Variants in MYO9B observed in about 807,000 individuals in gnomAD.
The protein encoded by MYO9B is myosin IXB.
Under a neutral mutation model 229.5 loss-of-function variants are expected in MYO9B, and 71 were observed. The ratio of observed to expected loss-of-function variants is 0.31; its 90% CI spans 0.26 to 0.38. MYO9B has a LOEUF of 0.38. Among genes scored for constraint, MYO9B ranks in the 10% least tolerant of loss-of-function variants. The probability of loss-of-function intolerance (pLI) is 1.00; values close to 1 mark genes in which losing one functional copy is unlikely to be tolerated. For synonymous variants in MYO9B, 1,185 were observed against 1,235.8 expected, an observed-to-expected ratio of 0.96 and a Z score of 0.86; for missense variants, 2,255 against 2,920.5, an observed-to-expected ratio of 0.77 and a Z score of 5.25.
At chr19:17,202,783 G>C (rs1315533193) in intron 28 of MYO9B, 59 bp from the exon 29 acceptor site, 6 of 1,523,348 alleles carry the variant, frequency 3.9e-6, no homozygotes, top group Non-Finnish European at 4.4e-6. Flanking sequence ...GGTGCCAGGG[G>C]TGGGTTGGGG....
chr19:17,091,336 C>G (rs753185799), intron 1 of MYO9B, among the ~76,000 whole-genome samples: 1 of 152,248 alleles, frequency 6.6e-6, no homozygotes, highest in Non-Finnish European at 1.5e-5. Flanking sequence ...GGCAATCCCC[C>G]TGCCTCGGCC....
intron 7 of MYO9B, 89 bp from the exon 8 acceptor site, chr19:17,159,306 G>T: frequency 1.6e-6 from 2 of 1,254,268 alleles, no homozygotes; most frequent in Non-Finnish European, 2.3e-6. Flanking sequence ...GCTGCCTCAG[G>T]CTCCGGGCGT....
intron 2 of MYO9B, among the ~76,000 whole-genome samples, chr19:17,110,991 C>T (rs2057842677): frequency 6.6e-6 from 1 of 152,152 alleles, no homozygotes; most frequent in African/African-American, 2.4e-5. Context: ...CTGCCATCAG[C>T]CAGGCCACTA....
intron 2 of MYO9B, among the ~76,000 whole-genome samples, chr19:17,102,810 G>A (rs544360100): frequency 5.3e-5 from 8 of 152,098 alleles, no homozygotes; most frequent in African/African-American, 1.9e-4. Context: ...AGGAGGCTGA[G>A]GCAGGAGGAT....
rs776964606 is a variant in MYO9B at position 17,172,515 on chromosome 19, G to A, written c.1935+38G>A. On this transcript the variant is annotated intron_variant, in intron 12 of 39. Transcript: ENST00000682292. The surrounding 1 kb of genome is among the most constrained non-coding windows in gnomAD (Gnocchi z 8.2). The stretch of plus-strand genomic sequence containing the variant: ...CCATCACCACTGGTGGAAGCCTGAG[G>A]GAAGCCACAGTCAGCCCAGAAGCCC... The A allele has an allele frequency of 7.5e-6, 12 of 1,608,406 alleles. No homozygotes were observed. The highest frequency in any genetic ancestry group is 1.0e-5 in the Non-Finnish European group (12 of 1,177,550).
At position 17,174,009 on chromosome 19, in the gene MYO9B, G is replaced by C. The variant is rs139488827; in HGVS notation, c.2140+1046G>C. On this transcript the variant is annotated intron_variant, in intron 13 of 39. Transcript: ENST00000682292. ...ACCCACCCAACTTTGCCCCAAACTTGAGTGATGAGCTGCTTTTTTTTTTTT... is the reference window on the plus strand; with the variant it reads ...ACCCACCCAACTTTGCCCCAAACTTCAGTGATGAGCTGCTTTTTTTTTTTT... Among the ~76,000 whole-genome samples the C allele has an allele frequency of 7.7e-3, 1,095 of 142,202 alleles. 16 individuals carry two copies. The highest frequency in any genetic ancestry group is 0.025 in the African/African-American group (975 of 38,778). 93.3% of individuals were successfully genotyped at this position (142,202 alleles called of 152,430 possible).
chr19:17,102,659 G>A, intron 2 of MYO9B, 102 bp downstream of exon 2: 2 of 1,417,510 alleles, frequency 1.4e-6, no homozygotes, highest in Non-Finnish European at 1.9e-6. Flanking sequence ...CCAATGCTTT[G>A]GAAGGCTGAG....
Position 17,195,125 on chromosome 19 carries a change from A to G in MYO9B, c.3698A>G (p.Glu1233Gly). ...ATGGCAGTTGGCAAGGTCTCTGAAG[A>G]AACTGAGAAGACGCTGCCCAGTGGG... is the stretch of plus-strand genomic sequence containing the variant. ...QAMAVGKVSEETEKTLPSGSP... is the reference protein window; with the variant it reads ...QAMAVGKVSEGTEKTLPSGSP... Residue 1233 changes from glutamate (E) to glycine (G), a missense_variant, in exon 22 of 40, where the codon GAA (glutamate) becomes GGA (glycine). By Grantham distance (98) the Glu-to-Gly change is moderately conservative. Around this residue, in one of 7 missense-constraint regions of MYO9B, gnomAD observed 679 missense variants for 770.2 expected, o/e 0.88. Coordinates refer to ENST00000682292, the MANE Select transcript of MYO9B (RefSeq NM_004145.4). The surrounding 1 kb of genome is among the most constrained non-coding windows in gnomAD (Gnocchi z 4.5). The G allele has an allele frequency of 1.2e-6, 2 of 1,612,414 alleles. No homozygotes were observed. The highest frequency in any genetic ancestry group is 1.7e-6 in the Non-Finnish European group (2 of 1,179,632).
chr19:17,098,341 G>A (rs1411948144), intron 1 of MYO9B, among the ~76,000 whole-genome samples: 2 of 152,112 alleles, frequency 1.3e-5, no homozygotes, highest in Non-Finnish European at 2.9e-5. Flanking sequence ...AAGCGTGAGC[G>A]ACCGCGCCTG....
intron 1 of MYO9B, among the ~76,000 whole-genome samples, chr19:17,100,667 C>T (rs559636333): frequency 1.5e-4 from 23 of 152,176 alleles, no homozygotes; most frequent in Non-Finnish European, 2.4e-4. Context: ...TTCCTTGTTG[C>T]CCGTGACCTT....
intron 14 of MYO9B, 87 bp downstream of exon 14, chr19:17,175,828 T>A: frequency 1.2e-5 from 8 of 645,350 alleles, no homozygotes; most frequent in Non-Finnish European, 1.3e-5. Context: ...TACATTCTTT[T>A]TTTTTTTTTT....
rs773576807 is a variant in MYO9B, at chr19:17,205,351, C to T, written c.5064+15C>T. 8 of 1,611,300 alleles carry T rather than the reference C, an allele frequency of 5.0e-6. No individual in the cohort carries two copies. Among genetic ancestry groups the T allele is most frequent in the Non-Finnish European group, 6.8e-6 (8 of 1,177,776 alleles). On this transcript the variant is annotated intron_variant, in intron 31 of 39. Transcript: ENST00000682292. ...ACGGGAGGAAGGTGAGTGTACGAGGCCTGGAACTTTCTACAATGACACTCC... is the reference window on the plus strand; with the variant it reads ...ACGGGAGGAAGGTGAGTGTACGAGGTCTGGAACTTTCTACAATGACACTCC...
chr19:17,212,224 G>T lies in MYO9B; in HGVS notation c.6388G>T (p.Asp2130Tyr). 6.3e-7 allele frequency: 1 copy of T among 1,582,986 alleles called. No individual in the cohort carries two copies. Among genetic ancestry groups the T allele is most frequent in the South Asian group, 1.1e-5 (1 of 87,058 alleles). The change falls in exon 40 of 40, where the codon GAT becomes TAT. Residue 2130 changes from aspartate to tyrosine, a missense_variant. By Grantham distance (160) the Asp-to-Tyr change is radical. Transcript: ENST00000682292. This position sits in a 1 kb window ranked among gnomAD's most constrained non-coding sequence, Gnocchi z 5.4. ...GGGCGCCCTGGAGCCCCTAGAAGAG[G>T]ATGGCCAGCCACCTGGGGCCAAGCG... ...VQGALEPLEEDGQPPGAKRRY... is the reference protein window; with the variant it reads ...VQGALEPLEEYGQPPGAKRRY...
At chr19:17,128,953 C>T (rs944367804) in intron 2 of MYO9B, among the ~76,000 whole-genome samples, 1 of 152,210 alleles carries the variant, frequency 6.6e-6, no homozygotes, top group African/African-American at 2.4e-5. Context: ...TTTCTCCAGC[C>T]GCAGCCTCTC....
rs1005509967 is a variant in MYO9B at position 17,212,526 on chromosome 19, G to A, written c.*216G>A. On this transcript the variant is annotated 3_prime_UTR_variant, in exon 40 of 40. Transcript: ENST00000682292. This position sits in a 1 kb window ranked among gnomAD's most constrained non-coding sequence, Gnocchi z 5.4. Reference sequence around the variant, plus strand: ...CGCACGCAGCCCCCAAATCATGGACGCACCTGTGGGGAGCACCACATCTCC... The same window carrying A: ...CGCACGCAGCCCCCAAATCATGGACACACCTGTGGGGAGCACCACATCTCC... The A allele has an allele frequency of 3.4e-5, 17 of 507,270 alleles. No homozygotes were observed. Among genetic ancestry groups the A allele is most frequent in the Admixed American group, 3.1e-4 (8 of 26,176 alleles). 31.4% of individuals were successfully genotyped at this position (507,270 alleles called of 1,614,324 possible). A position where few individuals can be genotyped will look rare whatever the true frequency, so the allele number is the denominator to read the frequency against.
intron 2 of MYO9B, among the ~76,000 whole-genome samples, chr19:17,140,494 CT>C (rs112851769): frequency 0.73 from 108,022 of 147,072 alleles, 40,066 homozygotes; most frequent in African/African-American, 0.86. Context: ...GGTTAGATTT[CT>C]TTTTTTTTTT....
intron 11 of MYO9B, among the ~76,000 whole-genome samples, chr19:17,168,510 C>T (rs573881806): frequency 1.3e-5 from 2 of 152,300 alleles, no homozygotes; most frequent in South Asian, 4.1e-4. Flanking sequence ...GACCACAAAA[C>T]CCAAGCTCGT....
rs1373551816 is a variant in MYO9B, at chr19:17,120,714, AG to A, written c.840+18158del. On this transcript the variant is annotated intron_variant, in intron 2 of 39. Transcript: ENST00000682292. Reference sequence around the variant, plus strand: ...TATCTCCTTTATGCTAATTGGTAACAGTCCTCATGGTGAGTATTGAATAAAC... The same window carrying A: ...TATCTCCTTTATGCTAATTGGTAACATCCTCATGGTGAGTATTGAATAAAC... 4.0e-5 allele frequency among the ~76,000 whole-genome samples: 6 copies of A among 151,844 alleles called. No homozygotes were observed. In the South Asian group the frequency reaches 1.0e-3, roughly 26 times the overall value.
At chr19:17,189,842 T>C (rs1055973630) in intron 19 of MYO9B, among the ~76,000 whole-genome samples, 1 of 151,430 alleles carries the variant, frequency 6.6e-6, no homozygotes, top group Non-Finnish European at 1.5e-5. Flanking sequence ...GGCGGGCGGA[T>C]CACGAGGTCA....
Sources: allele counts gnomAD v4.1 joint callset (sites outside exome capture counted in the v4.1 genomes callset), GRCh38; gene constraint gnomAD v4.1.1; regional missense constraint gnomAD v4.1.1; non-coding constraint Gnocchi (gnomAD v3.1); transcripts MANE v1.5; gene names NCBI Gene and HGNC (gene_info 2026-07-23, HGNC 2026-07-21).